Variants in FGFR2 observed in about 807,000 individuals in gnomAD.
FGFR2 encodes the protein BEK fibroblast growth factor receptor.
FGFR2 carries 19 observed loss-of-function variants against 95.9 expected under a neutral mutation model. The observed-to-expected ratio is 0.20, with a 90% CI of 0.14 to 0.29. The LOEUF is 0.29. FGFR2 is among the 10% of genes least tolerant of loss of function. The pLI is 1.00. For synonymous variants in FGFR2, 392 were observed against 393.3 expected, an observed-to-expected ratio of 1.00 and a Z score of 0.04; for missense variants, 707 against 1,056.9, an observed-to-expected ratio of 0.67 and a Z score of 4.59.
At chr10:121,503,095 C>G (rs1847807520) in intron 10 of FGFR2, among the ~76,000 whole-genome samples, 1 of 152,208 alleles carries the variant, frequency 6.6e-6, no homozygotes, top group Admixed American at 6.5e-5. Context: ...AATCAGGTGC[C>G]TCACCCGAGG....
rs1858698791 is a variant in FGFR2 at position 121,571,392 on chromosome 10, G to A, written c.110-5688C>T. The stretch of plus-strand genomic sequence containing the variant: ...CGGCTCACTGCAAGCTCCACCTCCT[G>A]GGTTCAAGTGATTCTCCTGCCTCAG... On this transcript the variant is annotated intron_variant, in intron 2 of 17. Coordinates refer to ENST00000358487, the MANE Select transcript of FGFR2 (RefSeq NM_000141.5). Among the ~76,000 whole-genome samples, 4 of 147,948 alleles carry A rather than the reference G, an allele frequency of 2.7e-5. No individual in the cohort carries two copies. The Admixed American group carries it at 2.8e-4, about 10-fold the overall frequency.
At chr10:121,500,973 A>G (rs777745567) in intron 10 of FGFR2, 26 bp from the exon 11 acceptor site, 1 of 1,612,994 alleles carries the variant, frequency 6.2e-7, no homozygotes, top group Non-Finnish European at 8.5e-7. Flanking sequence ...GGGGATTAGC[A>G]CATAGCATCT....
chr10:121,555,548 G>A (rs1024904910), intron 4 of FGFR2, among the ~76,000 whole-genome samples: 2 of 152,160 alleles, frequency 1.3e-5, no homozygotes, highest in Non-Finnish European at 2.9e-5. Context: ...TAATCCACCT[G>A]TAAAGGAAAC....
chr10:121,595,587 C>A (rs1477389554), intron 1 of FGFR2, among the ~76,000 whole-genome samples: 1 of 152,232 alleles, frequency 6.6e-6, no homozygotes, highest in Non-Finnish European at 1.5e-5. Flanking sequence ...TCAAGAGCCT[C>A]AGAAGATAAT....
intron 6 of FGFR2, among the ~76,000 whole-genome samples, chr10:121,537,150 G>A (rs1852961790): frequency 1.3e-5 from 2 of 152,104 alleles, no homozygotes; most frequent in Admixed American, 1.3e-4. Context: ...TTCTCTATGG[G>A]GAAAGAGCTC....
At chr10:121,526,336 A>G in intron 6 of FGFR2, 1 of 397,220 alleles carries the variant, frequency 2.5e-6, no homozygotes, top group Non-Finnish European at 4.4e-6. Context: ...ACCAGTTAGC[A>G]TGAGGCATGG....
chr10:121,597,724 A>G (rs899459229), intron 1 of FGFR2, among the ~76,000 whole-genome samples: 9 of 152,250 alleles, frequency 5.9e-5, no homozygotes, highest in Admixed American at 3.9e-4. Context: ...CGCCAGAAGC[A>G]GATGTCAGCA....
At chr10:121,526,186 G>T (rs983876547) in intron 6 of FGFR2, 1 of 398,440 alleles carries the variant, frequency 2.5e-6, no homozygotes, top group Non-Finnish European at 4.4e-6. Context: ...TCTTAGCAAC[G>T]CCAAAGAGCT....
chr10:121,481,827 C>CTTTCTT, intron 17 of FGFR2: 1 of 168,584 alleles, frequency 5.9e-6, no homozygotes, highest in Non-Finnish European at 1.1e-5. Context: ...CGGTTTCTTT[C>CTTTCTT]TTTTTTATTT....
At chr10:121,522,534 C>A (rs1264715505) in intron 6 of FGFR2, among the ~76,000 whole-genome samples, 1 of 152,008 alleles carries the variant, frequency 6.6e-6, no homozygotes, top group Non-Finnish European at 1.5e-5. Context: ...CCAGCCTGGG[C>A]AACAGAGTGA....
At chr10:121,553,396 T>G (rs967350272) in intron 4 of FGFR2, among the ~76,000 whole-genome samples, 1 of 152,176 alleles carries the variant, frequency 6.6e-6, no homozygotes, top group African/African-American at 2.4e-5. Context: ...AGGGAGTACT[T>G]GATTCCCATT....
intron 6 of FGFR2, among the ~76,000 whole-genome samples, chr10:121,520,590 T>C (rs1180214116): frequency 6.6e-6 from 1 of 152,190 alleles, no homozygotes; most frequent in Non-Finnish European, 1.5e-5. Flanking sequence ...AGACTAACTT[T>C]AAAGACACTC....
intron 17 of FGFR2, among the ~76,000 whole-genome samples, chr10:121,482,957 C>A (rs1262938573): frequency 6.6e-6 from 1 of 152,090 alleles, no homozygotes; most frequent in Non-Finnish European, 1.5e-5. Context: ...CCACCACATC[C>A]AACTAATTTT....
At chr10:121,542,133 T>C (rs1853855634) in intron 5 of FGFR2, among the ~76,000 whole-genome samples, 1 of 152,170 alleles carries the variant, frequency 6.6e-6, no homozygotes, top group African/African-American at 2.4e-5. Context: ...CATTAAACAG[T>C]TATTGATAAA....
chr10:121,537,417 A>G (rs570165374), intron 6 of FGFR2, among the ~76,000 whole-genome samples: 1 of 152,350 alleles, frequency 6.6e-6, no homozygotes, highest in South Asian at 2.1e-4. Flanking sequence ...ATTTTAATTA[A>G]CCAAATCTTT....
At chr10:121,564,359 G>A in intron 4 of FGFR2, 143 bp downstream of exon 4, 2 of 755,282 alleles carry the variant, frequency 2.6e-6, no homozygotes, top group Non-Finnish European at 4.7e-6. Context: ...AGGTTTGAAA[G>A]TCAGGAAAGT....
chr10:121,544,839 T>C (rs1024501435), intron 5 of FGFR2, among the ~76,000 whole-genome samples: 1 of 152,200 alleles, frequency 6.6e-6, no homozygotes, highest in African/African-American at 2.4e-5. Context: ...ATTACCACAA[T>C]AAATGTAAAA....
chr10:121,543,093 T>C (rs1447457443), intron 5 of FGFR2, among the ~76,000 whole-genome samples: 1 of 152,122 alleles, frequency 6.6e-6, no homozygotes, highest in Non-Finnish European at 1.5e-5. Flanking sequence ...CCCAAGCCTT[T>C]CTCCCGCCAG....
intron 2 of FGFR2, among the ~76,000 whole-genome samples, chr10:121,575,762 A>T (rs1005646414): frequency 1.1e-4 from 17 of 152,102 alleles, no homozygotes; most frequent in African/African-American, 3.6e-4. Flanking sequence ...AGGCTGAGGC[A>T]GGAGAATCGC....
Sources: allele counts gnomAD v4.1 joint callset (sites outside exome capture counted in the v4.1 genomes callset), GRCh38; gene constraint gnomAD v4.1.1; transcripts MANE v1.5; gene names NCBI Gene and HGNC (gene_info 2026-07-23, HGNC 2026-07-21).